RGL1: variants seen among roughly 807,000 people sequenced by gnomAD.
RGL1 encodes the protein ral guanine nucleotide dissociation stimulator like 1.
Under a neutral mutation model 95.2 loss-of-function variants are expected in RGL1, and 24 were observed. The observed-to-expected ratio is 0.25, with a 90% CI of 0.18 to 0.35. The LOEUF (loss-of-function observed/expected upper bound fraction) is 0.35, where lower values mean the gene tolerates loss of function less well. RGL1 is among the 10% of genes least tolerant of loss of function. The probability of loss-of-function intolerance (pLI) is 1.00; values close to 1 mark genes in which losing one functional copy is unlikely to be tolerated. For synonymous variants in RGL1, 329 were observed against 344.9 expected, an observed-to-expected ratio of 0.95 and a Z score of 0.51; for missense variants, 715 against 936.3, an observed-to-expected ratio of 0.76 and a Z score of 3.08.
intron 3 of RGL1, among the ~76,000 whole-genome samples, chr1:183,857,960 T>G (rs1165636159): frequency 6.6e-6 from 1 of 152,212 alleles, no homozygotes; most frequent in Non-Finnish European, 1.5e-5. Context: ...GCTAGCTTTC[T>G]TTTCTTGAAA....
chr1:183,779,498 C>T (rs1351448682), intron 2 of RGL1, among the ~76,000 whole-genome samples: 2 of 152,168 alleles, frequency 1.3e-5, no homozygotes. Flanking sequence ...ATCTACCCAC[C>T]TCAGCCTCCC....
intron 2 of RGL1, among the ~76,000 whole-genome samples, chr1:183,770,037 T>TA (rs1198453656): frequency 6.6e-6 from 1 of 152,234 alleles, no homozygotes; most frequent in African/African-American, 2.4e-5. Flanking sequence ...CCCATGACTT[T>TA]ATTAACACAC....
intron 16 of RGL1, among the ~76,000 whole-genome samples, chr1:183,918,355 G>A (rs1269130112): frequency 6.6e-6 from 1 of 152,162 alleles, no homozygotes; most frequent in Non-Finnish European, 1.5e-5. Flanking sequence ...GCACCCGAGA[G>A]GTAGAGGAAA....
chr1:183,852,404 T>C (rs1217189956), intron 3 of RGL1, among the ~76,000 whole-genome samples: 1 of 152,216 alleles, frequency 6.6e-6, no homozygotes, highest in Non-Finnish European at 1.5e-5. Context: ...TCAACATGGC[T>C]CAGAGTCCAC....
chr1:183,925,103 T>C (rs1163712121), intron 17 of RGL1, among the ~76,000 whole-genome samples: 2 of 152,238 alleles, frequency 1.3e-5, no homozygotes, highest in Non-Finnish European at 2.9e-5. Context: ...TTGGGAATCA[T>C]TGAAATTGAA....
At position 183,884,758 on chromosome 1, in the gene RGL1, G is replaced by A. The variant is rs1329031886; in HGVS notation, c.771G>A (p.Leu257=). ...LFKKVVPHHC[L]GCIWSRRDKK... ...AGAAAGTAGTGCCTCACCACTGCCTGGGCTGCATTTGGTCTCGAAGGGATA... is the reference window on the plus strand; with the variant it reads ...AGAAAGTAGTGCCTCACCACTGCCTAGGCTGCATTTGGTCTCGAAGGGATA... The change falls in exon 7 of 18, where the codon CTG becomes CTA. Residue 257 remains leucine (L), a synonymous_variant. Transcript: ENST00000360851. The A allele has an allele frequency of 6.2e-7, 1 of 1,614,022 alleles. No individual in the cohort carries two copies. The highest frequency in any genetic ancestry group is 1.1e-5 in the South Asian group (1 of 91,078).
intron 2 of RGL1, among the ~76,000 whole-genome samples, chr1:183,795,451 AGAG>A (rs1444207996): frequency 6.6e-6 from 1 of 152,204 alleles, no homozygotes; most frequent in Non-Finnish European, 1.5e-5. Flanking sequence ...CTGAGGTGGG[AGAG>A]GAGAACAGGG....
At chr1:183,923,140 C>T (rs1669408625) in intron 17 of RGL1, among the ~76,000 whole-genome samples, 1 of 152,212 alleles carries the variant, frequency 6.6e-6, no homozygotes, top group South Asian at 2.1e-4. Flanking sequence ...CCAACCCTTT[C>T]TGCCGCCAGA....
At chr1:183,914,685 C>T (rs1348258278) in intron 15 of RGL1, among the ~76,000 whole-genome samples, 1 of 152,134 alleles carries the variant, frequency 6.6e-6, no homozygotes, top group Non-Finnish European at 1.5e-5. Flanking sequence ...TTGATTTTTG[C>T]ACTTGCTCCT....
At chr1:183,793,668 T>C (rs1180501416) in intron 2 of RGL1, among the ~76,000 whole-genome samples, 1 of 150,712 alleles carries the variant, frequency 6.6e-6, no homozygotes, top group East Asian at 1.9e-4. Context: ...AACAGGTATA[T>C]GAAAAAAAAA....
chr1:183,801,343 TGG>T (rs1660981211), upstream of RGL1, among the ~76,000 whole-genome samples: 1 of 152,158 alleles, frequency 6.6e-6, no homozygotes, highest in African/African-American at 2.4e-5. Flanking sequence ...ATTTTTAAAT[TGG>T]GTTTTTTTTT....
intron 9 of RGL1, among the ~76,000 whole-genome samples, chr1:183,895,077 T>G (rs1012178235): frequency 1.3e-5 from 2 of 152,218 alleles, no homozygotes; most frequent in African/African-American, 2.4e-5. Flanking sequence ...TATAAAGGAC[T>G]GCTAGAAAGC....
chr1:183,902,416 A>G, intron 11 of RGL1, 152 bp from the exon 12 acceptor site: 1 of 514,858 alleles, frequency 1.9e-6, no homozygotes, highest in South Asian at 5.3e-5. Context: ...GCAAAACAGG[A>G]CTCTCTTCTT....
At chr1:183,882,503 T>C (rs1301256185) in intron 5 of RGL1, among the ~76,000 whole-genome samples, 1 of 152,202 alleles carries the variant, frequency 6.6e-6, no homozygotes, top group Non-Finnish European at 1.5e-5. Flanking sequence ...GGAAGAATGA[T>C]GAAATTAGAT....
intron 1 of RGL1, among the ~76,000 whole-genome samples, chr1:183,722,693 C>T (rs1280307896): frequency 5.9e-5 from 9 of 152,158 alleles, no homozygotes; most frequent in Non-Finnish European, 1.3e-4. Context: ...AATGCTGGAA[C>T]AAATTTTGTC....
At chr1:183,875,539 C>G (rs1396581489) in intron 4 of RGL1, among the ~76,000 whole-genome samples, 1 of 152,092 alleles carries the variant, frequency 6.6e-6, no homozygotes, top group Non-Finnish European at 1.5e-5. Flanking sequence ...TGTCTAATGT[C>G]TTCTAAGCAG....
At chr1:183,811,201 C>G (rs1572442614) in intron 2 of RGL1, among the ~76,000 whole-genome samples, 1 of 152,136 alleles carries the variant, frequency 6.6e-6, no homozygotes, top group African/African-American at 2.4e-5. Context: ...AAGCAGGGCA[C>G]AAAGGTATCA....
chr1:183,846,542 A>T (rs557751500), intron 2 of RGL1, among the ~76,000 whole-genome samples: 150 of 150,340 alleles, frequency 1.0e-3, no homozygotes, highest in South Asian at 2.1e-3. Context: ...TATAATTTTT[A>T]AAAAAAAAAA....
intron 2 of RGL1, among the ~76,000 whole-genome samples, chr1:183,837,617 A>G (rs573991022): frequency 1.3e-5 from 2 of 152,300 alleles, no homozygotes; most frequent in Admixed American, 6.5e-5. Context: ...TTTATAAAGT[A>G]GGTAACGAAG....
Sources: gnomAD v4.1 joint callset for allele counts (sites outside exome capture counted in the v4.1 genomes callset) on GRCh38, gnomAD v4.1.1 for gene constraint, MANE v1.5 for transcripts, NCBI Gene and HGNC (gene_info 2026-07-23, HGNC 2026-07-21) for gene names.